Variants in KCNIP4 observed in about 807,000 individuals in gnomAD.
KCNIP4 encodes Kv channel-interacting protein 4.
KCNIP4 carries 12 observed loss-of-function variants against 34.0 expected under a neutral mutation model. The observed-to-expected ratio is 0.35, with a 90% confidence interval of 0.23 to 0.57. KCNIP4 has a LOEUF of 0.57. Among genes scored for constraint, KCNIP4 ranks in the 20% least tolerant of loss-of-function variants. The probability of loss-of-function intolerance (pLI) is 0.83; values close to 1 mark genes in which losing one functional copy is unlikely to be tolerated. For synonymous variants in KCNIP4, 124 were observed against 102.2 expected, an observed-to-expected ratio of 1.21 and a Z score of -1.29; for missense variants, 238 against 311.7, an observed-to-expected ratio of 0.76 and a Z score of 1.78.
At chr4:21,825,695 T>A (rs1000286256) in intron 1 of KCNIP4, among the ~76,000 whole-genome samples, 6 of 152,186 alleles carry the variant, frequency 3.9e-5, no homozygotes, top group African/African-American at 9.7e-5. Flanking sequence ...ATTCATTGAT[T>A]TATGTAACAT....
chr4:21,157,169 G>T (rs995521622), intron 1 of KCNIP4, among the ~76,000 whole-genome samples: 3 of 152,004 alleles, frequency 2.0e-5, no homozygotes, highest in African/African-American at 7.2e-5. Flanking sequence ...CTAAATATTA[G>T]AAATAATGCT....
intron 1 of KCNIP4, among the ~76,000 whole-genome samples, chr4:21,548,278 T>C (rs1738297168): frequency 6.6e-6 from 1 of 152,122 alleles, no homozygotes; most frequent in South Asian, 2.1e-4. Context: ...CAACTTGTAG[T>C]ACATTTAATT....
At chr4:21,817,431 G>C (rs2109281821) in intron 1 of KCNIP4, among the ~76,000 whole-genome samples, 2 of 152,198 alleles carry the variant, frequency 1.3e-5, no homozygotes, top group Middle Eastern at 6.8e-3. Flanking sequence ...TATGAAATCA[G>C]TGCACCTTGA....
intron 1 of KCNIP4, among the ~76,000 whole-genome samples, chr4:21,595,118 G>A (rs1037628103): frequency 6.6e-6 from 1 of 151,950 alleles, no homozygotes; most frequent in Non-Finnish European, 1.5e-5. Flanking sequence ...TTAGCTATTT[G>A]TCCTAATGCT....
At chr4:21,415,646 G>A (rs1430846901) in intron 1 of KCNIP4, among the ~76,000 whole-genome samples, 1 of 152,142 alleles carries the variant, frequency 6.6e-6, no homozygotes, top group Non-Finnish European at 1.5e-5. Context: ...AGGTTGTAGT[G>A]AGCTGAGAGT....
chr4:20,730,077 A>G lies in KCNIP4; in HGVS notation c.*5T>C. The G allele has an allele frequency of 1.2e-6, 2 of 1,607,696 alleles. No individual in the cohort carries two copies. Among genetic ancestry groups the G allele is most frequent in the Non-Finnish European group, 1.7e-6 (2 of 1,177,856 alleles). Reference sequence around the variant, plus strand: ...GTCTGTTGGATTCAGGATCTATTTGACAAGTTAAATCACATTTTCAAAGAG... The same window carrying G: ...GTCTGTTGGATTCAGGATCTATTTGGCAAGTTAAATCACATTTTCAAAGAG... On this transcript the variant is annotated 3_prime_UTR_variant, in exon 9 of 9. Coordinates refer to ENST00000382152, the MANE Select transcript of KCNIP4 (RefSeq NM_025221.6).
intron 1 of KCNIP4, among the ~76,000 whole-genome samples, chr4:21,123,410 C>G (rs1240853006): frequency 6.6e-6 from 1 of 152,050 alleles, no homozygotes; most frequent in East Asian, 1.9e-4. Flanking sequence ...AAAAGTCAAC[C>G]ATTTGTTTTT....
intron 1 of KCNIP4, among the ~76,000 whole-genome samples, chr4:21,292,042 C>T: frequency 6.6e-6 from 1 of 152,124 alleles, no homozygotes; most frequent in East Asian, 1.9e-4. Flanking sequence ...TGTGAAGGCA[C>T]AGTATATAAA....
At chr4:20,810,226 T>C (rs1405713959) in intron 3 of KCNIP4, among the ~76,000 whole-genome samples, 1 of 152,124 alleles carries the variant, frequency 6.6e-6, no homozygotes, top group Non-Finnish European at 1.5e-5. Context: ...TGAAAGTCAT[T>C]TTGTGGAGAA....
intron 1 of KCNIP4, among the ~76,000 whole-genome samples, chr4:20,949,924 G>A (rs1457457547): frequency 6.7e-6 from 1 of 149,610 alleles, no homozygotes; most frequent in Non-Finnish European, 1.5e-5. Context: ...CGAGTTAGTG[G>A]GTGCAGCGCA....
intron 1 of KCNIP4, among the ~76,000 whole-genome samples, chr4:21,415,945 A>G (rs1014286828): frequency 6.6e-6 from 1 of 152,148 alleles, no homozygotes; most frequent in Non-Finnish European, 1.5e-5. Flanking sequence ...TCAGTAAACC[A>G]CTGAACTCTT....
chr4:21,580,249 C>T (rs115272675), intron 1 of KCNIP4, among the ~76,000 whole-genome samples: 38 of 152,112 alleles, frequency 2.5e-4, no homozygotes, highest in African/African-American at 8.7e-4. Flanking sequence ...TTATCTATCT[C>T]CTTTGATACT....
intron 1 of KCNIP4, among the ~76,000 whole-genome samples, chr4:21,461,928 A>G (rs1729495118): frequency 6.6e-6 from 1 of 152,080 alleles, no homozygotes; most frequent in Non-Finnish European, 1.5e-5. Flanking sequence ...AATTGACACA[A>G]AATAATTGTT....
intron 2 of KCNIP4, among the ~76,000 whole-genome samples, chr4:20,879,519 C>T (rs1432668487): frequency 5.9e-5 from 9 of 152,088 alleles, no homozygotes; most frequent in Non-Finnish European, 1.3e-4. Context: ...AGAAGTTTTG[C>T]CTTTGACATT....
intron 3 of KCNIP4, among the ~76,000 whole-genome samples, chr4:20,823,520 T>C (rs1023410014): frequency 6.6e-5 from 10 of 152,070 alleles, no homozygotes; most frequent in African/African-American, 2.2e-4. Context: ...CATGAGGGTG[T>C]AGCCCTCATG....
chr4:21,348,355 G>A (rs552740016), intron 1 of KCNIP4, among the ~76,000 whole-genome samples: 1 of 152,304 alleles, frequency 6.6e-6, no homozygotes, highest in Non-Finnish European at 1.5e-5. Flanking sequence ...GTCTCTGCCA[G>A]GTTATACTGC....
chr4:20,802,006 T>G (rs554563712), intron 3 of KCNIP4, among the ~76,000 whole-genome samples: 46 of 151,538 alleles, frequency 3.0e-4, no homozygotes, highest in African/African-American at 1.0e-3. Context: ...CAGACTTCAA[T>G]TAAAAAAACT....
chr4:20,895,536 A>G (rs1726418723), intron 1 of KCNIP4, among the ~76,000 whole-genome samples: 1 of 152,224 alleles, frequency 6.6e-6, no homozygotes, highest in Non-Finnish European at 1.5e-5. Flanking sequence ...ATCCATTATA[A>G]TTTTTGATGT....
intron 1 of KCNIP4, among the ~76,000 whole-genome samples, chr4:21,588,062 T>A (rs1253962921): frequency 2.0e-5 from 3 of 151,998 alleles, no homozygotes; most frequent in Admixed American, 2.0e-4. Flanking sequence ...CCCTTTGAAG[T>A]CAAATAGTAA....
Sources: gnomAD v4.1 joint callset for allele counts (sites outside exome capture counted in the v4.1 genomes callset) on GRCh38, gnomAD v4.1.1 for gene constraint, MANE v1.5 for transcripts, NCBI Gene and HGNC (gene_info 2026-07-23, HGNC 2026-07-21) for gene names.